The following DLG2 variants were observed in gnomAD, a reference collection of about 807,000 sequenced individuals.
The protein encoded by DLG2 is disks large homolog 2.
In DLG2, 45 loss-of-function variants were observed where a neutral mutation model predicts 132.5. The ratio of observed to expected loss-of-function variants is 0.34; its 90% CI spans 0.27 to 0.44. The LOEUF (loss-of-function observed/expected upper bound fraction) is 0.44, where lower values mean the gene tolerates loss of function less well. DLG2 is among the 20% of genes least tolerant of loss of function. The pLI is 1.00. For missense variants in DLG2, 1,045 were observed against 1,196.9 expected (o/e 0.87, Z 1.87); for synonymous variants, 424 against 419.6 (o/e 1.01, Z -0.13).
At chr11:83,684,476 G>A (rs1398211132) in intron 18 of DLG2, 2 of 152,134 alleles carry the variant, frequency 1.3e-5, no homozygotes, top group Non-Finnish European at 2.9e-5. Context: ...TTACTAGAAG[G>A]TCTGGAATAC....
At chr11:85,414,656 T>A (rs2089655838) in intron 3 of DLG2, among the ~76,000 whole-genome samples, 1 of 152,030 alleles carries the variant, frequency 6.6e-6, no homozygotes, top group Non-Finnish European at 1.5e-5. Context: ...CTTTGTTGAC[T>A]TTCTCTCTTG....
At chr11:83,463,583 G>A (rs985284263) in intron 26 of DLG2, among the ~76,000 whole-genome samples, 4 of 152,234 alleles carry the variant, frequency 2.6e-5, no homozygotes, top group South Asian at 2.1e-4. Context: ...GTGCTCAGGA[G>A]TTCAAGACCA....
At chr11:85,052,974 C>T (rs545365438) in intron 6 of DLG2, among the ~76,000 whole-genome samples, 3 of 152,284 alleles carry the variant, frequency 2.0e-5, no homozygotes, top group Admixed American at 1.3e-4. Flanking sequence ...ACGCTACTTG[C>T]CCTATTGTTT....
At chr11:84,612,832 T>A (rs896976577) in intron 6 of DLG2, among the ~76,000 whole-genome samples, 1 of 152,160 alleles carries the variant, frequency 6.6e-6, no homozygotes, top group Non-Finnish European at 1.5e-5. Context: ...CAATCTGGAC[T>A]CAGAATGATT....
At chr11:85,111,213 T>C (rs1462691785) in intron 6 of DLG2, among the ~76,000 whole-genome samples, 1 of 152,130 alleles carries the variant, frequency 6.6e-6, no homozygotes, top group Non-Finnish European at 1.5e-5. Context: ...TAGAAGATAC[T>C]ATGCAAATGC....
intron 21 of DLG2, among the ~76,000 whole-genome samples, chr11:83,517,497 T>C (rs1255715422): frequency 2.6e-5 from 4 of 152,214 alleles, no homozygotes; most frequent in African/African-American, 9.6e-5. Context: ...TAGTTTGATC[T>C]TCTGAAGCCT....
At chr11:85,408,711 A>G (rs975750942) in intron 3 of DLG2, among the ~76,000 whole-genome samples, 24 of 151,560 alleles carry the variant, frequency 1.6e-4, no homozygotes, top group Admixed American at 8.6e-4. Context: ...CCATGTCCCT[A>G]CAAAGGACAT....
chr11:84,308,085 T>C (rs969670471), intron 7 of DLG2, among the ~76,000 whole-genome samples: 4 of 152,116 alleles, frequency 2.6e-5, no homozygotes, highest in African/African-American at 4.8e-5. Flanking sequence ...CCCCAGCAGG[T>C]TGCCACTGCT....
In DLG2 at chr11:85,593,251, G is replaced by C. The variant is rs956942215; in HGVS notation, c.40+5406C>G. The stretch of plus-strand genomic sequence containing the variant: ...CCACTGTCATATTCTCCCAAGTTTA[G>C]TAATAATATTCACACACTGTTAATA... On this transcript the variant is annotated intron_variant, in intron 3 of 27. Transcript: ENST00000376104. Among the ~76,000 whole-genome samples, 5 of 152,246 alleles carry C rather than the reference G, an allele frequency of 3.3e-5. No homozygotes were observed. In the East Asian group the frequency reaches 9.6e-4, roughly 29 times the overall value.
At chr11:84,039,823 T>G (rs2096007272) in intron 11 of DLG2, among the ~76,000 whole-genome samples, 1 of 143,790 alleles carries the variant, frequency 7.0e-6, no homozygotes, top group African/African-American at 2.5e-5. Context: ...TGAACTAGTT[T>G]ACAGTCCCAC....
chr11:84,525,982 C>T (rs1370677282), intron 7 of DLG2, among the ~76,000 whole-genome samples: 1 of 152,116 alleles, frequency 6.6e-6, no homozygotes, highest in African/African-American at 2.4e-5. Context: ...TCTCTGACAA[C>T]ACCCATCCTA....
At chr11:84,225,193 G>A (rs901404455) in intron 8 of DLG2, among the ~76,000 whole-genome samples, 1 of 152,122 alleles carries the variant, frequency 6.6e-6, no homozygotes, top group African/African-American at 2.4e-5. Context: ...AAGTCCCTCA[G>A]TGAATATTTC....
chr11:85,486,294 G>C (rs2093427513), intron 3 of DLG2, among the ~76,000 whole-genome samples: 1 of 146,574 alleles, frequency 6.8e-6, no homozygotes, highest in Non-Finnish European at 1.5e-5. Context: ...ATTCCCCAAA[G>C]CTTCTTGCCC....
In DLG2 at chr11:84,019,729, G is replaced by A. The variant is rs533484834; in HGVS notation, c.920-39087C>T. 3.9e-5 allele frequency among the ~76,000 whole-genome samples: 6 copies of A among 152,222 alleles called. No individual in the cohort carries two copies. The South Asian group carries it at 8.3e-4, about 21-fold the overall frequency. On this transcript the variant is annotated intron_variant, in intron 11 of 27. Transcript: ENST00000376104. ...ACAGGGAGAATGACACGTGAAGACC[G>A]AAGGAGAAAGAAGAGTGATTCATCC...
At chr11:84,896,238 C>T (rs1287840527) in intron 6 of DLG2, among the ~76,000 whole-genome samples, 8 of 152,176 alleles carry the variant, frequency 5.3e-5, no homozygotes, top group Non-Finnish European at 1.0e-4. Flanking sequence ...ATTATCCAAA[C>T]TTATATGCAA....
At chr11:84,659,972 G>C (rs1183820527) in intron 6 of DLG2, among the ~76,000 whole-genome samples, 2 of 152,132 alleles carry the variant, frequency 1.3e-5, no homozygotes, top group African/African-American at 2.4e-5. Flanking sequence ...GGAGTCATGA[G>C]CACATTACTC....
intron 16 of DLG2, among the ~76,000 whole-genome samples, chr11:83,848,795 G>T (rs2059135518): frequency 6.6e-6 from 1 of 152,100 alleles, no homozygotes; most frequent in African/African-American, 2.4e-5. Context: ...AAATTCCTGT[G>T]TGGCCCTCAT....
At chr11:84,323,884 C>T (rs2098418010) in intron 7 of DLG2, among the ~76,000 whole-genome samples, 1 of 151,892 alleles carries the variant, frequency 6.6e-6, no homozygotes, top group South Asian at 2.1e-4. Context: ...CATTCAGGTC[C>T]TTTCCCATTT....
At chr11:84,189,314 A>T (rs191684376) in intron 8 of DLG2, among the ~76,000 whole-genome samples, 50 of 152,350 alleles carry the variant, frequency 3.3e-4, no homozygotes, top group Non-Finnish European at 6.0e-4. Flanking sequence ...ATTATTAAAA[A>T]GTGAAAACAC....
Sources: gnomAD v4.1 joint callset for allele counts (sites outside exome capture counted in the v4.1 genomes callset) on GRCh38, gnomAD v4.1.1 for gene constraint, MANE v1.5 for transcripts, NCBI Gene and HGNC (gene_info 2026-07-23, HGNC 2026-07-21) for gene names.